Variants in SLC24A2 observed in about 807,000 individuals in gnomAD.
SLC24A2 encodes solute carrier family 24 member 2.
A neutral mutation model predicts 62.0 loss-of-function variants in SLC24A2; 36 were observed. The observed-to-expected ratio is 0.58, with a 90% CI of 0.44 to 0.77. The LOEUF is 0.77. Among genes scored for constraint, SLC24A2 ranks in the 30% least tolerant of loss-of-function variants. SLC24A2 has a pLI of 0.00. For missense variants in SLC24A2, 846 were observed against 817.9 expected, an observed-to-expected ratio of 1.03 and a Z score of -0.42; for synonymous variants, 358 against 294.0, an observed-to-expected ratio of 1.22 and a Z score of -2.23.
the SLC24A2 span, among the ~76,000 whole-genome samples, chr9:20,044,087 C>T: frequency 6.6e-6 from 1 of 152,044 alleles, no homozygotes; most frequent in Non-Finnish European, 1.5e-5. Flanking sequence ...AAGATTATAA[C>T]TCACTGAAGG....
chr9:19,765,729 T>C (rs1006994058), intron 2 of SLC24A2, among the ~76,000 whole-genome samples: 58 of 152,230 alleles, frequency 3.8e-4, no homozygotes, highest in African/African-American at 1.3e-3. Context: ...GACCTTAACA[T>C]TTTTTCCTTC....
chr9:20,192,702 G>T, the SLC24A2 span, among the ~76,000 whole-genome samples: 3 of 152,132 alleles, frequency 2.0e-5, no homozygotes, highest in Non-Finnish European at 4.4e-5. Flanking sequence ...TGATACGGGG[G>T]CTGCTCATCA....
At chr9:19,604,008 C>T (rs1701144111) in intron 4 of SLC24A2, among the ~76,000 whole-genome samples, 1 of 152,208 alleles carries the variant, frequency 6.6e-6, no homozygotes, top group South Asian at 2.1e-4. Flanking sequence ...TACTTGTTTT[C>T]TGCCCTTTAA....
the SLC24A2 span, among the ~76,000 whole-genome samples, chr9:20,145,598 T>G: frequency 1.4e-5 from 2 of 146,784 alleles, no homozygotes; most frequent in Non-Finnish European, 3.0e-5. Flanking sequence ...TTCCATCACA[T>G]GTATGTGTGT....
At chr9:19,707,204 A>G (rs951088963) in intron 2 of SLC24A2, among the ~76,000 whole-genome samples, 3 of 152,114 alleles carry the variant, frequency 2.0e-5, no homozygotes, top group Admixed American at 2.0e-4. Flanking sequence ...AGACTAAACC[A>G]GGAAGAAGTT....
the SLC24A2 span, among the ~76,000 whole-genome samples, chr9:20,182,538 G>A: frequency 6.6e-6 from 1 of 152,190 alleles, no homozygotes; most frequent in East Asian, 1.9e-4. Flanking sequence ...CACAAGGACA[G>A]GAAACCAAAC....
the SLC24A2 span, among the ~76,000 whole-genome samples, chr9:20,005,213 A>G: frequency 6.6e-6 from 1 of 152,232 alleles, no homozygotes; most frequent in African/African-American, 2.4e-5. Flanking sequence ...ATAATTAATC[A>G]CAAAGTCAAG....
At chr9:20,189,707 A>T in the SLC24A2 span, among the ~76,000 whole-genome samples, 1 of 152,212 alleles carries the variant, frequency 6.6e-6, no homozygotes, top group Non-Finnish European at 1.5e-5. Flanking sequence ...AGAATCCCAA[A>T]TGCTGAGCAG....
At chr9:20,184,458 A>G in the SLC24A2 span, among the ~76,000 whole-genome samples, 1 of 152,312 alleles carries the variant, frequency 6.6e-6, no homozygotes, top group South Asian at 2.1e-4. Flanking sequence ...CTGAGGCAGG[A>G]GAATCACTTG....
the SLC24A2 span, among the ~76,000 whole-genome samples, chr9:20,069,331 C>T: frequency 6.6e-6 from 1 of 152,162 alleles, no homozygotes; most frequent in African/African-American, 2.4e-5. Context: ...TAAAGTACTG[C>T]TTTAGTATCA....
chr9:20,208,070 T>C, the SLC24A2 span, among the ~76,000 whole-genome samples: 4 of 152,106 alleles, frequency 2.6e-5, no homozygotes, highest in Non-Finnish European at 5.9e-5. Context: ...AGTAAGTATG[T>C]AAGTGTAAAT....
the SLC24A2 span, among the ~76,000 whole-genome samples, chr9:20,263,266 G>A: frequency 6.6e-6 from 1 of 152,082 alleles, no homozygotes; most frequent in Non-Finnish European, 1.5e-5. Flanking sequence ...GGTGGAGGTG[G>A]GGGTGAGACA....
the SLC24A2 span, among the ~76,000 whole-genome samples, chr9:19,859,266 T>A: frequency 4.6e-5 from 7 of 152,114 alleles, no homozygotes; most frequent in Non-Finnish European, 5.9e-5. Flanking sequence ...AAATACTGAA[T>A]GTTCTCACTT....
the SLC24A2 span, among the ~76,000 whole-genome samples, chr9:20,245,154 G>T: frequency 2.6e-5 from 4 of 152,168 alleles, no homozygotes; most frequent in Non-Finnish European, 4.4e-5. Flanking sequence ...TACAATCCAT[G>T]GTTCCTGCCC....
intron 4 of SLC24A2, among the ~76,000 whole-genome samples, chr9:19,615,811 G>A (rs1187962068): frequency 6.6e-6 from 1 of 152,086 alleles, no homozygotes; most frequent in Non-Finnish European, 1.5e-5. Context: ...AATCACTGAT[G>A]GCCCAACTCT....
the SLC24A2 span, among the ~76,000 whole-genome samples, chr9:20,032,761 G>A: frequency 1.3e-5 from 2 of 152,260 alleles, no homozygotes; most frequent in African/African-American, 2.4e-5. Context: ...AGGTGGTGGC[G>A]GGAGCTGGTT....
chr9:20,019,686 G>A, the SLC24A2 span, among the ~76,000 whole-genome samples: 107,710 of 151,992 alleles, frequency 0.71, 38,339 homozygotes, highest in Admixed American at 0.78. Context: ...CTAAAACACC[G>A]AAAGAAATGG....
chr9:19,944,684 G>C, the SLC24A2 span, among the ~76,000 whole-genome samples: 2 of 152,060 alleles, frequency 1.3e-5, no homozygotes, highest in African/African-American at 4.8e-5. Flanking sequence ...GTATCCCTTT[G>C]TTTCTATTAA....
At chr9:19,633,598 G>T (rs1039341846) in intron 2 of SLC24A2, among the ~76,000 whole-genome samples, 1 of 152,048 alleles carries the variant, frequency 6.6e-6, no homozygotes, top group Non-Finnish European at 1.5e-5. Context: ...TGTACTCCTG[G>T]GCTCAAGTAA....
Sources: gnomAD v4.1 joint callset for allele counts (sites outside exome capture counted in the v4.1 genomes callset) on GRCh38, gnomAD v4.1.1 for gene constraint, MANE v1.5 for transcripts, NCBI Gene and HGNC (gene_info 2026-07-23, HGNC 2026-07-21) for gene names.